The following MEGF8 variants were observed in gnomAD, a reference collection of about 807,000 sequenced individuals.
MEGF8 encodes multiple EGF like domains 8, also known as multiple epidermal growth factor-like domains protein 8.
Under a neutral mutation model 302.9 loss-of-function variants are expected in MEGF8, and 156 were observed. The observed-to-expected ratio is 0.52, with a 90% CI of 0.45 to 0.59. The LOEUF is 0.59. MEGF8 is among the 20% of genes least tolerant of loss of function. The pLI is 0.00. For missense variants in MEGF8, 3,345 were observed against 3,964.5 expected (o/e 0.84, Z 4.20); for synonymous variants, 1,621 against 1,660.5 (o/e 0.98, Z 0.58).
chr19:42,336,481 C>A lies in MEGF8; in HGVS notation c.1244+135C>A. Reference sequence around the variant, plus strand: ...AGTCACTCCTTCCTTCATGTATTTACTTATTCCTTCGTTCACTCATTCATT... The same window carrying A: ...AGTCACTCCTTCCTTCATGTATTTAATTATTCCTTCGTTCACTCATTCATT... On this transcript the variant is annotated intron_variant, in intron 6 of 41. Coordinates refer to ENST00000251268, the MANE Select transcript of MEGF8 (RefSeq NM_001271938.2). This position sits in a 1 kb window ranked among gnomAD's most constrained non-coding sequence, Gnocchi z 4.8. 1.1e-6 allele frequency: 1 copy of A among 949,854 alleles called. No individual in the cohort carries two copies. The highest frequency in any genetic ancestry group is 1.5e-6 in the Non-Finnish European group (1 of 659,656). The allele number at this position is 949,854 out of a possible 1,614,324, so 58.8% of individuals were successfully genotyped here.
rs200462288 is a variant in MEGF8, at chr19:42,333,764, G to A, written c.347G>A (p.Gly116Asp). Residue 116 changes from glycine to aspartate, a missense_variant, in exon 2 of 42, where the codon GGC becomes GAC. Coordinates refer to ENST00000251268, the MANE Select transcript of MEGF8 (RefSeq NM_001271938.2). ...TRPPPIEASS[G>D]KMLLHLFSDA... ...CCTCCGCCCATCGAAGCTTCCTCAG[G>A]CAAGGTTAGTGGGGATGGGGCCGTG... is the stretch of plus-strand genomic sequence containing the variant. 1.7e-5 allele frequency: 27 copies of A among 1,613,854 alleles called. No individual in the cohort carries two copies. The Admixed American group carries it at 2.0e-4, about 12-fold the overall frequency.
intron 9 of MEGF8, 50 bp downstream of exon 9, chr19:42,343,681 G>A: frequency 2.1e-5 from 32 of 1,540,504 alleles, no homozygotes; most frequent in Non-Finnish European, 2.8e-5. Flanking sequence ...GGAGGTAGCA[G>A]GGTTTCCACA....
At chr19:42,361,967 G>A (rs2039537639) in intron 32 of MEGF8, 123 bp from the exon 33 acceptor site, 3 of 1,427,520 alleles carry the variant, frequency 2.1e-6, no homozygotes, top group East Asian at 4.9e-5. Context: ...GGACAGCCAG[G>A]CTCAGGAGGC....
At position 42,375,239 on chromosome 19, in the gene MEGF8, C is replaced by G. The variant is rs2039748924; in HGVS notation, c.7270-268C>G. On this transcript the variant is annotated intron_variant, in intron 41 of 41. Coordinates refer to ENST00000251268, the MANE Select transcript of MEGF8 (RefSeq NM_001271938.2). This position sits in a 1 kb window ranked among gnomAD's most constrained non-coding sequence, Gnocchi z 7.1. ...GCAGCCGCGTTCTTCACTGCTGTGC[C>G]TCAGAGTGCCAGAGGCCTCAGTATC... Among the ~76,000 whole-genome samples, 1 of 152,186 alleles carries G rather than the reference C, an allele frequency of 6.6e-6. No homozygotes were observed. Among genetic ancestry groups the G allele is most frequent in the Admixed American group, 6.5e-5 (1 of 15,284 alleles).
rs747950293 is a variant in MEGF8 at position 42,343,959 on chromosome 19, C to G, written c.1674C>G (p.His558Gln). 1 of 1,613,604 alleles carries G rather than the reference C, an allele frequency of 6.2e-7. No individual in the cohort carries two copies. The highest frequency in any genetic ancestry group is 2.2e-5 in the East Asian group (1 of 44,880). ...FVFQAPAPDY[H>Q]LDYCSMYTDH... Reference sequence around the variant, plus strand: ...GTCCCCTTGCCTCCCTGCAGTACCACTTGGACTACTGCTCCATGTACACAG... The same window carrying G: ...GTCCCCTTGCCTCCCTGCAGTACCAGTTGGACTACTGCTCCATGTACACAG... The change falls in exon 10 of 42, where the codon CAC becomes CAG. Residue 558 changes from histidine to glutamine, a missense_variant. Physicochemically the swap from His to Gln is conservative, Grantham distance 24 (BLOSUM62 0). Transcript: ENST00000251268.
chr19:42,348,844 C>T (rs989956621), intron 13 of MEGF8, among the ~76,000 whole-genome samples: 4 of 152,184 alleles, frequency 2.6e-5, no homozygotes, highest in African/African-American at 4.8e-5. Flanking sequence ...TCAGATGATC[C>T]GCCACCTTGG....
chr19:42,367,236 A>G (rs1040128057), intron 35 of MEGF8, among the ~76,000 whole-genome samples: 3 of 151,728 alleles, frequency 2.0e-5, no homozygotes, highest in Non-Finnish European at 2.9e-5. Context: ...GGGTAAGAGA[A>G]GCCTTTTTGC....
Position 42,375,326 on chromosome 19 carries a change from A to G in MEGF8, c.7270-181A>G, listed in dbSNP as rs1354145274. On this transcript the variant is annotated intron_variant, in intron 41 of 41. Transcript: ENST00000251268. This position sits in a 1 kb window ranked among gnomAD's most constrained non-coding sequence, Gnocchi z 7.1. Reference sequence around the variant, plus strand: ...CAGTGCTGGAGTGCCAGGTCCTGGCAAGGTCTACACTGTGGCAGAGAAGGT... The same window carrying G: ...CAGTGCTGGAGTGCCAGGTCCTGGCGAGGTCTACACTGTGGCAGAGAAGGT... Among the ~76,000 whole-genome samples, 1 of 152,110 alleles carries G rather than the reference A, an allele frequency of 6.6e-6. No individual in the cohort carries two copies. The highest frequency in any genetic ancestry group is 2.4e-5 in the African/African-American group (1 of 41,402).
rs968181518 is a variant in MEGF8 at position 42,337,707 on chromosome 19, C to T, written c.1513+501C>T. On this transcript the variant is annotated intron_variant, in intron 8 of 41. Transcript: ENST00000251268. ...ATTTTTAGTAGAGACGGGGTTTCAC[C>T]GTGTTAGCCAGGGTGGTCTCGATTT... is the stretch of plus-strand genomic sequence containing the variant. Among the ~76,000 whole-genome samples the T allele has an allele frequency of 7.9e-5, 12 of 152,070 alleles. No individual in the cohort carries two copies. In the East Asian group the frequency reaches 1.5e-3, roughly 20 times the overall value.
At chr19:42,340,674 T>C (rs1237604521) in intron 8 of MEGF8, among the ~76,000 whole-genome samples, 1 of 150,876 alleles carries the variant, frequency 6.6e-6, no homozygotes, top group Non-Finnish European at 1.5e-5. Flanking sequence ...ACTATTTTGT[T>C]TTATTTTACT....
chr19:42,343,420 G>A, intron 8 of MEGF8, 57 bp from the exon 9 acceptor site: 1 of 1,521,316 alleles, frequency 6.6e-7, no homozygotes, highest in South Asian at 1.2e-5. Flanking sequence ...CAGGAGCCAT[G>A]GAGGTGGTGG....
rs370110232 is a variant in MEGF8 at position 42,368,886 on chromosome 19, C to T, written c.6525C>T (p.Ser2175=). The T allele has an allele frequency of 3.1e-6, 5 of 1,613,762 alleles. No homozygotes were observed. The highest frequency in any genetic ancestry group is 2.7e-5 in the African/African-American group (2 of 74,916). ...CGGGGGCCTCCTGGGCCTTCCTGTCCTGCCCCCCTGAGGACGAGTGTGCAA... is the reference window on the plus strand; with the variant it reads ...CGGGGGCCTCCTGGGCCTTCCTGTCTTGCCCCCCTGAGGACGAGTGTGCAA... ...GRPGASWAFL[S]CPPEDECANG... The change falls in exon 37 of 42, where the codon TCC becomes TCT. Residue 2175 remains serine, a synonymous_variant. Transcript: ENST00000251268. The surrounding 1 kb of genome is among the most constrained non-coding windows in gnomAD (Gnocchi z 4.9).
rs1430273963 is a variant in MEGF8 at position 42,376,102 on chromosome 19, C to T, written c.7865C>T (p.Pro2622Leu). 2 of 1,606,732 alleles carry T rather than the reference C, an allele frequency of 1.2e-6. No homozygotes were observed. Among genetic ancestry groups the T allele is most frequent in the African/African-American group, 1.3e-5 (1 of 75,062 alleles). Residue 2622 changes from proline to leucine, a missense_variant, in exon 42 of 42, where the codon CCA (proline) becomes CTA (leucine). By Grantham distance (98) the Pro-to-Leu change is moderately conservative. Coordinates refer to ENST00000251268, the MANE Select transcript of MEGF8 (RefSeq NM_001271938.2). This position sits in a 1 kb window ranked among gnomAD's most constrained non-coding sequence, Gnocchi z 8.2. ...FYLLLLGVGD[P>L]SGPGANGSAD... ...CTGCTGCTGCTGGGCGTGGGAGACC[C>T]AAGTGGGCCCGGCGCCAACGGCTCA... is the stretch of plus-strand genomic sequence containing the variant.
chr19:42,355,913 C>T lies in MEGF8; in HGVS notation c.4300C>T (p.Arg1434Ter), dbSNP rs1035497941. 2.5e-6 allele frequency: 4 copies of T among 1,598,396 alleles called. No individual in the cohort carries two copies. Among genetic ancestry groups the T allele is most frequent in the African/African-American group, 1.3e-5 (1 of 74,658 alleles). Residue 1434 changes from arginine to a stop codon, truncating the protein, a stop_gained, in exon 24 of 42, where the codon CGA becomes TGA. Transcript: ENST00000251268. LOFTEE classifies it high-confidence loss of function. ...QDGAAGAGLCRCPQGWAGPHC... is the reference protein window; with the variant it reads ...QDGAAGAGLC ...CGGTGCTGCAGGTGCGGGGCTCTGCCGATGTCCTCAGGGCTGGGCTGGCCC... is the reference window on the plus strand; with the variant it reads ...CGGTGCTGCAGGTGCGGGGCTCTGCTGATGTCCTCAGGGCTGGGCTGGCCC...
chr19:42,327,401 A>G (rs2038998771), intron 1 of MEGF8, among the ~76,000 whole-genome samples: 1 of 152,188 alleles, frequency 6.6e-6, no homozygotes, highest in Non-Finnish European at 1.5e-5. Context: ...GAGGCCTGGG[A>G]GAGCCCAGAG....
chr19:42,336,374 T>C lies in MEGF8; in HGVS notation c.1244+28T>C. 1 of 1,557,208 alleles carries C rather than the reference T, an allele frequency of 6.4e-7. No homozygotes were observed. The highest frequency in any genetic ancestry group is 1.2e-5 in the South Asian group (1 of 83,828). ...AAGTGACCTGTCCCATAACCCATGC[T>C]CCACAGGCCAGGCCCAGCTCAACAC... On this transcript the variant is annotated intron_variant, in intron 6 of 41. Transcript: ENST00000251268. The surrounding 1 kb of genome is among the most constrained non-coding windows in gnomAD (Gnocchi z 4.8).
intron 35 of MEGF8, among the ~76,000 whole-genome samples, chr19:42,367,078 C>T (rs928018538): frequency 3.4e-4 from 52 of 152,142 alleles, no homozygotes; most frequent in African/African-American, 1.3e-3. Flanking sequence ...ACTTATGGCC[C>T]AAGCAATAAA....
At chr19:42,333,917 C>A (rs1385703039) in intron 2 of MEGF8, 90 bp from the exon 3 acceptor site, 2 of 1,520,128 alleles carry the variant, frequency 1.3e-6, no homozygotes, top group Admixed American at 3.9e-5. Flanking sequence ...GCTCTGGGTC[C>A]CCCAGGGTGG....
Position 42,349,547 on chromosome 19 carries a change from C to G in MEGF8, c.2347C>G (p.Leu783Val), listed in dbSNP as rs780031708. The change falls in exon 14 of 42, where the codon CTG becomes GTG. Residue 783 changes from leucine (L) to valine (V), a missense_variant. Leu to Val is a conservative substitution (Grantham distance 32). Transcript: ENST00000251268. ...VAHQEKETRRLQRPGSARLFP... is the reference protein window; with the variant it reads ...VAHQEKETRRVQRPGSARLFP... Reference sequence around the variant, plus strand: ...TCATCAGGAGAAGGAGACGCGGCGGCTGCAGCGCCCTGGGTCTGCTCGCCT... The same window carrying G: ...TCATCAGGAGAAGGAGACGCGGCGGGTGCAGCGCCCTGGGTCTGCTCGCCT... 3 of 1,611,862 alleles carry G rather than the reference C, an allele frequency of 1.9e-6. No homozygotes were observed. Among genetic ancestry groups the G allele is most frequent in the African/African-American group, 1.3e-5 (1 of 74,916 alleles).
Sources: gnomAD v4.1 joint callset for allele counts (sites outside exome capture counted in the v4.1 genomes callset) on GRCh38, gnomAD v4.1.1 for gene constraint, Gnocchi (gnomAD v3.1) non-coding constraint, MANE v1.5 for transcripts, NCBI Gene and HGNC (gene_info 2026-07-23, HGNC 2026-07-21) for gene names.